The following PDZD2 variants were observed in gnomAD, a reference collection of about 807,000 sequenced individuals.
PDZD2 encodes the protein PDZ domain containing 2.
Under a neutral mutation model 220.7 loss-of-function variants are expected in PDZD2, and 90 were observed. That is an observed-to-expected ratio of 0.41 (90% CI 0.34 to 0.49). PDZD2 has a LOEUF of 0.49. Among genes scored for constraint, PDZD2 ranks in the 20% least tolerant of loss-of-function variants. The probability of loss-of-function intolerance (pLI) is 0.28; values close to 1 mark genes in which losing one functional copy is unlikely to be tolerated. For missense variants in PDZD2, 3,174 were observed against 3,608.5 expected, an observed-to-expected ratio of 0.88 and a Z score of 3.08; for synonymous variants, 1,375 against 1,450.5, an observed-to-expected ratio of 0.95 and a Z score of 1.18.
chr5:31,906,613 C>T (rs534074031), intron 2 of PDZD2, among the ~76,000 whole-genome samples: 20 of 152,198 alleles, frequency 1.3e-4, no homozygotes, highest in African/African-American at 4.6e-4. Flanking sequence ...GAAGCTGAGG[C>T]GGGCAGATCA....
chr5:32,001,043 C>T (rs561735787), intron 5 of PDZD2, among the ~76,000 whole-genome samples: 30 of 152,288 alleles, frequency 2.0e-4, no homozygotes, highest in African/African-American at 7.2e-4. Context: ...CTAGGTTGCA[C>T]GCGTCTTATG....
chr5:31,725,891 T>C, intron 1 of PDZD2: 1 of 736,292 alleles, frequency 1.4e-6, no homozygotes, highest in Non-Finnish European at 2.5e-6. Context: ...TCTAGGACTA[T>C]ACAATCTCTT....
chr5:31,717,727 G>C (rs1017106724), intron 1 of PDZD2, among the ~76,000 whole-genome samples: 1 of 152,186 alleles, frequency 6.6e-6, no homozygotes, highest in Non-Finnish European at 1.5e-5. Context: ...TCTGTGCCAC[G>C]CAGAGCCTGA....
chr5:31,817,137 G>A (rs1400972506), intron 2 of PDZD2, among the ~76,000 whole-genome samples: 1 of 143,686 alleles, frequency 7.0e-6, no homozygotes, highest in Non-Finnish European at 1.5e-5. Flanking sequence ...GGTGAGCCGA[G>A]ATCGCGCCAC....
At chr5:31,841,457 GA>G (rs1231561119) in intron 2 of PDZD2, among the ~76,000 whole-genome samples, 2 of 152,176 alleles carry the variant, frequency 1.3e-5, no homozygotes, top group Non-Finnish European at 2.9e-5. Flanking sequence ...GGCAGATCAC[GA>G]GATCAAGAGA....
At chr5:32,078,506 C>T (rs553360841) in intron 19 of PDZD2, among the ~76,000 whole-genome samples, 6 of 152,088 alleles carry the variant, frequency 3.9e-5, no homozygotes, top group African/African-American at 7.2e-5. Flanking sequence ...GTGGAGCACG[C>T]TTATAATCCC....
At chr5:31,697,724 G>A (rs1474467464) in intron 1 of PDZD2, among the ~76,000 whole-genome samples, 1 of 152,072 alleles carries the variant, frequency 6.6e-6, no homozygotes, top group Non-Finnish European at 1.5e-5. Flanking sequence ...CTGCTCCATG[G>A]TACCAGGAGA....
At chr5:31,997,554 A>T (rs76612897) in intron 4 of PDZD2, among the ~76,000 whole-genome samples, 1 of 152,220 alleles carries the variant, frequency 6.6e-6, no homozygotes, top group African/African-American at 2.4e-5. Flanking sequence ...CTCCTGTCAG[A>T]TAGACAGTTT....
At position 32,089,048 on chromosome 5, in the gene PDZD2, G is replaced by A. The variant is rs1246727573; in HGVS notation, c.5600G>A (p.Ser1867Asn). The stretch of plus-strand genomic sequence containing the variant: ...GAAAATAAGGACCTGTCTAAGAAGA[G>A]TCCGGCAGAAATGCTTCTGACTAAT... ...NLENKDLSKK[S>N]PAEMLLTNGQ... The change falls in exon 20 of 25, where the codon AGT (serine) becomes AAT (asparagine). Residue 1867 changes from serine (S) to asparagine (N), a missense_variant. Ser to Asn is a conservative substitution (Grantham distance 46). Around this residue, in one of 4 missense-constraint regions of PDZD2, gnomAD observed 1,861 missense variants for 2,001.0 expected, o/e 0.93. Coordinates refer to ENST00000438447, the MANE Select transcript of PDZD2 (RefSeq NM_178140.4). The A allele has an allele frequency of 6.2e-7, 1 of 1,613,942 alleles. No homozygotes were observed. The highest frequency in any genetic ancestry group is 8.5e-7 in the Non-Finnish European group (1 of 1,179,984).
At chr5:32,010,655 G>T (rs558957917) in intron 6 of PDZD2, 173 bp downstream of exon 6, 2 of 704,060 alleles carry the variant, frequency 2.8e-6, no homozygotes, top group African/African-American at 1.7e-5. Context: ...ATCTGTGAGG[G>T]TGATATTTTT....
chr5:31,855,726 C>T lies in PDZD2; in HGVS notation c.476+56002C>T, dbSNP rs553721918. Reference sequence around the variant, plus strand: ...GAGACAGATCTTTGCCCCCAAATTACTAAACAGCCTGCTTGGACAACAGCC... The same window carrying T: ...GAGACAGATCTTTGCCCCCAAATTATTAAACAGCCTGCTTGGACAACAGCC... On this transcript the variant is annotated intron_variant, in intron 2 of 24. Transcript: ENST00000438447. 2.0e-5 allele frequency among the ~76,000 whole-genome samples: 3 copies of T among 152,366 alleles called. No individual in the cohort carries two copies. The South Asian group carries it at 6.2e-4, about 32-fold the overall frequency.
At chr5:31,987,664 A>G (rs1472166124) in intron 3 of PDZD2, among the ~76,000 whole-genome samples, 1 of 152,184 alleles carries the variant, frequency 6.6e-6, no homozygotes, top group Non-Finnish European at 1.5e-5. Flanking sequence ...CATCATGCCT[A>G]AAACTCAGCA....
rs535556311 is a variant in PDZD2 at position 31,705,369 on chromosome 5, G to GA, written c.-361+65936dup. ...TGGATGAATTTGTACTAAGAAGATA[G>GA]AAAACGAAGAGAAAATCCTTGCATT... On this transcript the variant is annotated intron_variant, in intron 1 of 24. Transcript: ENST00000438447. Among the ~76,000 whole-genome samples, 73 of 152,250 alleles carry GA rather than the reference G, an allele frequency of 4.8e-4. No individual in the cohort carries two copies. In the South Asian group the frequency reaches 0.013, roughly 28 times the overall value.
chr5:31,732,211 A>T (rs1749576181), intron 1 of PDZD2, among the ~76,000 whole-genome samples: 1 of 152,116 alleles, frequency 6.6e-6, no homozygotes, highest in Admixed American at 6.5e-5. Context: ...AAGCTTTTTT[A>T]AACCTGGAAT....
rs113603508 is a variant in PDZD2, at chr5:32,052,803, T to C, written c.1785+73T>C. The C allele has an allele frequency of 1.2e-3, 1,752 of 1,509,912 alleles. 13 individuals are homozygous for C. In the African/African-American group the frequency reaches 0.016, roughly 14 times the overall value. The allele number at this position is 1,509,912 out of a possible 1,614,324, so 93.5% of individuals were successfully genotyped here. A position where few individuals can be genotyped will look rare whatever the true frequency, so the allele number is the denominator to read the frequency against. ...ACACATTTTTTGTTTTATTTTATTT[T>C]ATTTGTTTTTGTGTTTTTGTTTTTA... is the stretch of plus-strand genomic sequence containing the variant. On this transcript the variant is annotated intron_variant, in intron 9 of 24. Transcript: ENST00000438447.
chr5:31,973,119 C>A (rs548574260), intron 2 of PDZD2, among the ~76,000 whole-genome samples: 1 of 152,142 alleles, frequency 6.6e-6, no homozygotes, highest in South Asian at 2.1e-4. Flanking sequence ...TGCTGTAAAA[C>A]GCTTTTATTG....
intron 1 of PDZD2, among the ~76,000 whole-genome samples, chr5:31,764,069 G>A (rs993616407): frequency 2.6e-5 from 4 of 151,840 alleles, no homozygotes; most frequent in South Asian, 4.1e-4. Flanking sequence ...TGCCCGTCAC[G>A]GATGTCCACC....
intron 1 of PDZD2, among the ~76,000 whole-genome samples, chr5:31,780,159 G>T (rs1057242290): frequency 6.6e-6 from 1 of 152,122 alleles, no homozygotes. Context: ...AGTTTGCAGA[G>T]TGGGAGTTCT....
intron 2 of PDZD2, among the ~76,000 whole-genome samples, chr5:31,936,581 A>G (rs1383749142): frequency 2.6e-5 from 4 of 151,550 alleles, no homozygotes; most frequent in African/African-American, 4.8e-5. Context: ...AAAAAAAAAG[A>G]AAAAAAGCAT....
Sources: gnomAD v4.1 joint callset for allele counts (sites outside exome capture counted in the v4.1 genomes callset) on GRCh38, gnomAD v4.1.1 for gene constraint, gnomAD v4.1.1 regional missense constraint, MANE v1.5 for transcripts, NCBI Gene and HGNC (gene_info 2026-07-23, HGNC 2026-07-21) for gene names.